RNGTT: variants seen among roughly 807,000 people sequenced by gnomAD.
RNGTT encodes the protein RNA guanylyltransferase and 5'-phosphatase.
In RNGTT, 33 loss-of-function variants were observed where a neutral mutation model predicts 79.3. The observed-to-expected ratio is 0.42, with a 90% CI of 0.32 to 0.56. The LOEUF (loss-of-function observed/expected upper bound fraction) is 0.56, where lower values mean the gene tolerates loss of function less well. RNGTT is among the 20% of genes least tolerant of loss of function. The pLI is 0.17. For missense variants in RNGTT, 497 were observed against 739.1 expected (o/e 0.67, Z 3.80); for synonymous variants, 222 against 235.9 (o/e 0.94, Z 0.54).
intron 13 of RNGTT, among the ~76,000 whole-genome samples, chr6:88,729,140 C>G (rs1439732148): frequency 6.6e-6 from 1 of 152,156 alleles, no homozygotes; most frequent in Non-Finnish European, 1.5e-5. Flanking sequence ...CTTCCATCTC[C>G]CAACACTAAG....
intron 13 of RNGTT, among the ~76,000 whole-genome samples, chr6:88,758,372 G>A (rs542848887): frequency 2.0e-5 from 3 of 152,246 alleles, no homozygotes; most frequent in Non-Finnish European, 4.4e-5. Flanking sequence ...ATGAACTAAC[G>A]CTCAACCAAG....
At chr6:88,823,293 G>A (rs914493228) in intron 11 of RNGTT, among the ~76,000 whole-genome samples, 2 of 152,004 alleles carry the variant, frequency 1.3e-5, no homozygotes, top group South Asian at 2.1e-4. Flanking sequence ...TTAGCTGGGC[G>A]TGGTGCCACG....
chr6:88,798,086 G>T (rs1298185714), intron 12 of RNGTT, among the ~76,000 whole-genome samples: 1 of 151,852 alleles, frequency 6.6e-6, no homozygotes, highest in Non-Finnish European at 1.5e-5. Context: ...TTAAATCATG[G>T]ATAGGCATTA....
chr6:88,900,366 A>G (rs1223265238), intron 6 of RNGTT, among the ~76,000 whole-genome samples: 1 of 152,244 alleles, frequency 6.6e-6, no homozygotes, highest in Non-Finnish European at 1.5e-5. Flanking sequence ...AAATAATTAA[A>G]ATTAAGTAGT....
chr6:88,806,021 A>AAT (rs1779942178), intron 11 of RNGTT, among the ~76,000 whole-genome samples: 1 of 152,174 alleles, frequency 6.6e-6, no homozygotes, highest in Admixed American at 6.6e-5. Context: ...CCCCACCCAC[A>AAT]AATGAAGCCT....
rs200498670 is a variant in RNGTT, at chr6:88,738,839, T to TACACACACAC, written c.1439+30925_1439+30934dup. ...TGGAAACTAAAGTCTATAAATAAAA[T>TACACACACAC]ACACACACACACACACACACACACA... On this transcript the variant is annotated intron_variant, in intron 13 of 15. Transcript: ENST00000369485. 3.0e-3 allele frequency among the ~76,000 whole-genome samples: 430 copies of TACACACACAC among 142,600 alleles called. 3 individuals are homozygous for TACACACACAC. The highest frequency in any genetic ancestry group is 5.2e-3 in the Admixed American group (74 of 14,304). 93.6% of individuals were successfully genotyped at this position (142,600 alleles called of 152,430 possible).
intron 11 of RNGTT, among the ~76,000 whole-genome samples, chr6:88,842,453 A>G (rs891814203): frequency 6.6e-6 from 1 of 152,102 alleles, no homozygotes; most frequent in Non-Finnish European, 1.5e-5. Context: ...GTGATACTAA[A>G]AATAATAACA....
intron 1 of RNGTT, 29 bp from the exon 2 acceptor site, chr6:88,941,209 C>CTTTT: frequency 7.7e-7 from 1 of 1,302,932 alleles, no homozygotes; most frequent in Non-Finnish European, 1.1e-6. Context: ...TAATCATTTC[C>CTTTT]ATAAAAGGAA....
intron 12 of RNGTT, among the ~76,000 whole-genome samples, chr6:88,775,111 A>C (rs1205720405): frequency 6.6e-6 from 1 of 152,188 alleles, no homozygotes; most frequent in Non-Finnish European, 1.5e-5. Flanking sequence ...AAATTAATTG[A>C]AATTTTTTGA....
chr6:88,769,898 A>C (rs200757102), intron 12 of RNGTT, 24 bp from the exon 13 acceptor site: 2 of 1,504,104 alleles, frequency 1.3e-6, no homozygotes, highest in South Asian at 2.3e-5. Flanking sequence ...AAATGATGAC[A>C]ATCGTTACTA....
At chr6:88,944,215 T>C (rs1784937309) in intron 1 of RNGTT, among the ~76,000 whole-genome samples, 1 of 152,256 alleles carries the variant, frequency 6.6e-6, no homozygotes, top group South Asian at 2.1e-4. Context: ...ATTCATTCAT[T>C]TACTCCTAAC....
At chr6:88,930,070 GTATACATATACATA>G (rs1197333907) in intron 2 of RNGTT, among the ~76,000 whole-genome samples, 162 of 145,370 alleles carry the variant, frequency 1.1e-3, no homozygotes, top group Admixed American at 2.1e-3. Flanking sequence ...ATATGCATAT[GTATACATATACATA>G]TATACATATA....
Position 88,612,607 on chromosome 6 carries a change from G to T in RNGTT, c.*112C>A. On this transcript the variant is annotated 3_prime_UTR_variant, in exon 16 of 16. Transcript: ENST00000369485. Reference sequence around the variant, plus strand: ...TTCTTTTTTTAAAAAAAATTCAAATGTGTATCAACATCAAGCCACAGTCGT... The same window carrying T: ...TTCTTTTTTTAAAAAAAATTCAAATTTGTATCAACATCAAGCCACAGTCGT... 8.6e-7 allele frequency: 1 copy of T among 1,167,172 alleles called. No homozygotes were observed. Among genetic ancestry groups the T allele is most frequent in the Non-Finnish European group, 1.2e-6 (1 of 817,776 alleles). 72.3% of individuals were successfully genotyped at this position (1,167,172 alleles called of 1,614,324 possible). A position where few individuals can be genotyped will look rare whatever the true frequency, so the allele number is the denominator to read the frequency against.
chr6:88,673,568 T>C (rs922097152), intron 14 of RNGTT, among the ~76,000 whole-genome samples: 29 of 152,196 alleles, frequency 1.9e-4, no homozygotes, highest in Non-Finnish European at 4.1e-4. Flanking sequence ...TAACAGTGAA[T>C]GAAAGAAACC....
At chr6:88,867,016 C>T (rs1032018305) in intron 8 of RNGTT, among the ~76,000 whole-genome samples, 4 of 152,182 alleles carry the variant, frequency 2.6e-5, no homozygotes, top group African/African-American at 4.8e-5. Context: ...ATAGCATTAG[C>T]ATCTCCTGGA....
intron 13 of RNGTT, among the ~76,000 whole-genome samples, chr6:88,696,272 G>T (rs1775663488): frequency 6.6e-6 from 1 of 151,988 alleles, no homozygotes; most frequent in African/African-American, 2.4e-5. Context: ...TAATCGTAAT[G>T]ACAATTTGTC....
At chr6:88,768,188 A>G (rs1006723115) in intron 13 of RNGTT, among the ~76,000 whole-genome samples, 2 of 149,952 alleles carry the variant, frequency 1.3e-5, no homozygotes, top group Admixed American at 6.6e-5. Flanking sequence ...TTTTTTTGAG[A>G]CAGAGACTTG....
At chr6:88,862,814 C>T (rs1219971498) in intron 8 of RNGTT, among the ~76,000 whole-genome samples, 1 of 152,186 alleles carries the variant, frequency 6.6e-6, no homozygotes, top group Non-Finnish European at 1.5e-5. Flanking sequence ...TTTACTGCTG[C>T]TAACAGTCAG....
chr6:88,896,896 T>C (rs948158455), intron 6 of RNGTT, among the ~76,000 whole-genome samples: 2 of 152,302 alleles, frequency 1.3e-5, no homozygotes, highest in African/African-American at 4.8e-5. Flanking sequence ...ACCTTTACAA[T>C]AGGTCATCTC....
Sources: allele counts gnomAD v4.1 joint callset (sites outside exome capture counted in the v4.1 genomes callset), GRCh38; gene constraint gnomAD v4.1.1; transcripts MANE v1.5; gene names NCBI Gene and HGNC (gene_info 2026-07-23, HGNC 2026-07-21).